The following RFC3 variants were observed in gnomAD, a reference collection of about 807,000 sequenced individuals.
The protein encoded by RFC3 is replication factor C subunit 3, also known as A1 38 kDa subunit.
In RFC3, 41 loss-of-function variants were observed where a neutral mutation model predicts 45.1. The ratio of observed to expected loss-of-function variants is 0.91; its 90% CI spans 0.71 to 1.18. RFC3 has a LOEUF of 1.18. Ranked by LOEUF, RFC3 falls within the 50% of genes most tolerant of loss-of-function variation. The pLI, the probability that RFC3 is intolerant of heterozygous loss-of-function variation, is 0.00. For synonymous variants in RFC3, 149 were observed against 144.0 expected (o/e 1.03, Z -0.25); for missense variants, 423 against 428.1 (o/e 0.99, Z 0.10).
intron 8 of RFC3, among the ~76,000 whole-genome samples, chr13:33,866,486 A>G (rs1293627695): frequency 6.6e-6 from 1 of 152,238 alleles, no homozygotes; most frequent in African/African-American, 2.4e-5. Context: ...AATTCAAATA[A>G]GAAATAAAAC....
chr13:33,916,992 T>G (rs970845920), intron 8 of RFC3, among the ~76,000 whole-genome samples: 3 of 152,126 alleles, frequency 2.0e-5, no homozygotes, highest in Non-Finnish European at 4.4e-5. Context: ...TCTAAATGAG[T>G]GCAGGAGACT....
At chr13:33,865,232 A>T (rs2082365709) in intron 8 of RFC3, among the ~76,000 whole-genome samples, 1 of 152,212 alleles carries the variant, frequency 6.6e-6, no homozygotes, top group African/African-American at 2.4e-5. Flanking sequence ...AAAGTTCTAT[A>T]AAAAATATGA....
intron 8 of RFC3, among the ~76,000 whole-genome samples, chr13:33,952,498 C>A (rs1413329405): frequency 1.3e-5 from 2 of 152,198 alleles, no homozygotes; most frequent in African/African-American, 4.8e-5. Context: ...TTTTCATCTG[C>A]AGATGCTGTA....
Position 33,925,583 on chromosome 13 carries a change from T to C in RFC3, c.880-40504T>C, listed in dbSNP as rs61945826. 3.8e-3 allele frequency among the ~76,000 whole-genome samples: 405 copies of C among 107,624 alleles called. 1 individual carries two copies. The highest frequency in any genetic ancestry group is 5.6e-3 in the Non-Finnish European group (234 of 41,798). 70.6% of individuals were successfully genotyped at this position (107,624 alleles called of 152,430 possible). A position where few individuals can be genotyped will look rare whatever the true frequency, so the allele number is the denominator to read the frequency against. ...ACATAGTGTACTATATACATACATATATAGTGTACTATATACATACATATA... is the reference window on the plus strand; with the variant it reads ...ACATAGTGTACTATATACATACATACATAGTGTACTATATACATACATATA... On this transcript the variant is annotated intron_variant, in intron 8 of 8. Coordinates refer to the RFC3 transcript ENST00000434425.
chr13:33,964,580 C>T (rs2083076377), intron 8 of RFC3, among the ~76,000 whole-genome samples: 1 of 152,216 alleles, frequency 6.6e-6, no homozygotes, highest in Non-Finnish European at 1.5e-5. Context: ...TGAGACAAAA[C>T]ACATTTTCCC....
chr13:33,949,393 T>G (rs1351029739), intron 8 of RFC3, among the ~76,000 whole-genome samples: 1 of 152,218 alleles, frequency 6.6e-6, no homozygotes, highest in African/African-American at 2.4e-5. Context: ...TATAGCAGCC[T>G]AAGAACAGAC....
At chr13:33,892,879 T>C (rs916199288) in intron 8 of RFC3, among the ~76,000 whole-genome samples, 1 of 152,182 alleles carries the variant, frequency 6.6e-6, no homozygotes, top group Non-Finnish European at 1.5e-5. Flanking sequence ...ATATTGGTAA[T>C]GCCCCTTCTG....
At chr13:33,841,213 C>T (rs1440747211), downstream of RFC3, among the ~76,000 whole-genome samples, 5 of 152,344 alleles carry the variant, frequency 3.3e-5, no homozygotes, top group East Asian at 7.7e-4. Context: ...TCCACCCCTT[C>T]CTCCAGCCTT....
intron 8 of RFC3, among the ~76,000 whole-genome samples, chr13:33,908,789 A>G (rs780417594): frequency 1.3e-5 from 2 of 152,088 alleles, no homozygotes; most frequent in East Asian, 1.9e-4. Context: ...AGAAGAGCCA[A>G]TGACATAAGT....
chr13:33,967,768 G>A (rs959973004), downstream of RFC3, among the ~76,000 whole-genome samples: 1 of 150,392 alleles, frequency 6.6e-6, no homozygotes, highest in African/African-American at 2.4e-5. Flanking sequence ...TTACAGGTGT[G>A]AGCCACTGCA....
chr13:33,899,204 C>CAAAAAAAAAAAAAAAAAAAAGAA (rs2082621983), intron 8 of RFC3, among the ~76,000 whole-genome samples: 1 of 51,968 alleles, frequency 1.9e-5, no homozygotes, highest in Non-Finnish European at 3.6e-5. Flanking sequence ...CACAATAAGA[C>CAAAAAAAAAAAAAAAAAAAAGAA]AAAAAAAAAA....
intron 8 of RFC3, among the ~76,000 whole-genome samples, chr13:33,862,503 C>T (rs1305688761): frequency 6.6e-6 from 1 of 152,072 alleles, no homozygotes; most frequent in Non-Finnish European, 1.5e-5. Flanking sequence ...TGGTTTTCTA[C>T]ATTAATAAGC....
intron 8 of RFC3, chr13:33,846,328 C>G (rs963745475): frequency 6.6e-6 from 1 of 152,190 alleles, no homozygotes; most frequent in Non-Finnish European, 1.5e-5. Context: ...ATTATGAATT[C>G]TGCCAGAGCT....
At chr13:33,858,909 A>T (rs1249813714) in intron 8 of RFC3, among the ~76,000 whole-genome samples, 1 of 152,188 alleles carries the variant, frequency 6.6e-6, no homozygotes, top group Non-Finnish European at 1.5e-5. Flanking sequence ...CAACTGTAGC[A>T]TCGCAGTCCC....
At chr13:33,834,816 AATTTCTATCTGGTATTTTC>A (rs2082138561) in intron 7 of RFC3, among the ~76,000 whole-genome samples, 1 of 152,114 alleles carries the variant, frequency 6.6e-6, no homozygotes, top group African/African-American at 2.4e-5. Flanking sequence ...ATGAAGTCTC[AATTTCTATCTGGTATTTTC>A]ATGGTGTTTT....
downstream of RFC3, among the ~76,000 whole-genome samples, chr13:33,839,058 A>G (rs2082178449): frequency 6.6e-6 from 1 of 152,180 alleles, no homozygotes; most frequent in Admixed American, 6.6e-5. Context: ...CAGAGTTTAT[A>G]CTTAGACATC....
chr13:33,937,380 AT>A (rs1445804937), intron 8 of RFC3, among the ~76,000 whole-genome samples: 1 of 152,200 alleles, frequency 6.6e-6, no homozygotes, highest in Non-Finnish European at 1.5e-5. Flanking sequence ...CTAATATTGC[AT>A]TTCTCAGAAT....
chr13:33,871,464 G>A (rs2082409093), intron 8 of RFC3, among the ~76,000 whole-genome samples: 1 of 152,146 alleles, frequency 6.6e-6, no homozygotes, highest in Admixed American at 6.5e-5. Context: ...TCCTGACTCT[G>A]CTGCCCTCCT....
the RFC3 span, among the ~76,000 whole-genome samples, chr13:33,975,696 A>G: frequency 1.1e-4 from 16 of 152,166 alleles, no homozygotes; most frequent in African/African-American, 2.9e-4. Flanking sequence ...CTATGAGACT[A>G]AAGGCTGAAA....
Sources: gnomAD v4.1 joint callset for allele counts (sites outside exome capture counted in the v4.1 genomes callset) on GRCh38, gnomAD v4.1.1 for gene constraint, MANE v1.5 for transcripts, NCBI Gene and HGNC (gene_info 2026-07-23, HGNC 2026-07-21) for gene names.